Variants in QTMAN observed in about 807,000 individuals in gnomAD.
QTMAN encodes the protein tRNA-queuosine alpha-mannosyltransferase.
the QTMAN span, among the ~76,000 whole-genome samples, chr2:144,265,138 C>G: frequency 6.6e-6 from 1 of 152,116 alleles, no homozygotes; most frequent in Non-Finnish European, 1.5e-5. Flanking sequence ...GTATCAGTTT[C>G]CAAGATCTTG....
At chr2:144,081,359 T>C in the QTMAN span, among the ~76,000 whole-genome samples, 2 of 152,190 alleles carry the variant, frequency 1.3e-5, no homozygotes, top group Admixed American at 1.3e-4. Flanking sequence ...TAACTTTTTC[T>C]CCTTCTTCCA....
the QTMAN span, among the ~76,000 whole-genome samples, chr2:144,031,121 C>G: frequency 2.0e-5 from 3 of 152,054 alleles, no homozygotes; most frequent in African/African-American, 4.8e-5. Flanking sequence ...TTTGAAGATA[C>G]TATTGATGTC....
chr2:143,987,179 C>T, the QTMAN span, among the ~76,000 whole-genome samples: 1 of 152,158 alleles, frequency 6.6e-6, no homozygotes, highest in African/African-American at 2.4e-5. Flanking sequence ...CTTTCTATGA[C>T]CTCAAGTAGG....
chr2:144,161,184 A>G, the QTMAN span, among the ~76,000 whole-genome samples: 1 of 152,174 alleles, frequency 6.6e-6, no homozygotes, highest in Non-Finnish European at 1.5e-5. Flanking sequence ...GGGATCCTTC[A>G]TTACTTCTTT....
At chr2:144,053,546 G>C in the QTMAN span, among the ~76,000 whole-genome samples, 1 of 152,180 alleles carries the variant, frequency 6.6e-6, no homozygotes, top group African/African-American at 2.4e-5. Context: ...CCTTCTACCT[G>C]AATGAAGCAT....
the QTMAN span, among the ~76,000 whole-genome samples, chr2:144,278,508 C>T: frequency 6.6e-6 from 1 of 151,746 alleles, no homozygotes; most frequent in African/African-American, 2.4e-5. Context: ...CACTTAATCT[C>T]CACAATAATC....
chr2:143,958,782 CTTTTTTTTTT>C, the QTMAN span, among the ~76,000 whole-genome samples: 78 of 113,348 alleles, frequency 6.9e-4, no homozygotes, highest in African/African-American at 2.3e-3. Flanking sequence ...TTCTTTCTTT[CTTTTTTTTTT>C]TTTTTTTTTT....
chr2:143,984,757 T>C, the QTMAN span, among the ~76,000 whole-genome samples: 1 of 152,136 alleles, frequency 6.6e-6, no homozygotes, highest in Non-Finnish European at 1.5e-5. Context: ...CAGCTGGACG[T>C]TGGAGACTAT....
chr2:143,975,039 C>T, the QTMAN span, among the ~76,000 whole-genome samples: 1 of 143,880 alleles, frequency 7.0e-6, no homozygotes, highest in African/African-American at 2.4e-5. Flanking sequence ...TCTGCACCAC[C>T]ACTATGGCAG....
At chr2:144,143,947 T>C in the QTMAN span, among the ~76,000 whole-genome samples, 2 of 151,952 alleles carry the variant, frequency 1.3e-5, no homozygotes, top group African/African-American at 4.8e-5. Context: ...GGAGTCATAC[T>C]TTTCAAAGAG....
At chr2:144,135,692 C>G in the QTMAN span, among the ~76,000 whole-genome samples, 1 of 152,076 alleles carries the variant, frequency 6.6e-6, no homozygotes, top group African/African-American at 2.4e-5. Context: ...ATCATTTGTT[C>G]TTTACTGGTC....
At chr2:144,213,960 G>A in the QTMAN span, among the ~76,000 whole-genome samples, 2 of 152,208 alleles carry the variant, frequency 1.3e-5, no homozygotes, top group South Asian at 4.1e-4. Context: ...ACCCAGCAGA[G>A]TAAAATAGGG....
the QTMAN span, among the ~76,000 whole-genome samples, chr2:144,086,047 T>C: frequency 2.6e-5 from 4 of 152,134 alleles, no homozygotes; most frequent in Admixed American, 1.3e-4. Flanking sequence ...TCACATACAT[T>C]TACAAAGGCC....
the QTMAN span, among the ~76,000 whole-genome samples, chr2:144,281,418 A>C: frequency 1.5e-5 from 2 of 136,732 alleles, no homozygotes; most frequent in South Asian, 2.3e-4. Flanking sequence ...AAAAAAAAAA[A>C]CGGAAAATAA....
chr2:144,221,294 A>G, the QTMAN span, among the ~76,000 whole-genome samples: 1 of 152,234 alleles, frequency 6.6e-6, no homozygotes, highest in East Asian at 1.9e-4. Flanking sequence ...CCTGGAAGTT[A>G]CCAAAAATCT....
the QTMAN span, among the ~76,000 whole-genome samples, chr2:143,965,100 C>T: frequency 6.6e-6 from 1 of 151,282 alleles, no homozygotes; most frequent in Non-Finnish European, 1.5e-5. Flanking sequence ...AACAATGTGA[C>T]CTTATCATGA....
chr2:144,105,448 G>A, the QTMAN span, among the ~76,000 whole-genome samples: 6 of 152,176 alleles, frequency 3.9e-5, no homozygotes, highest in Non-Finnish European at 7.3e-5. Flanking sequence ...CGAGAACTAC[G>A]TGATGAATGC....
chr2:143,997,185 G>C, the QTMAN span, among the ~76,000 whole-genome samples: 1 of 151,976 alleles, frequency 6.6e-6, no homozygotes, highest in Non-Finnish European at 1.5e-5. Flanking sequence ...CTTTAAAGAA[G>C]TAAGAAAACA....
the QTMAN span, among the ~76,000 whole-genome samples, chr2:144,286,788 G>A: frequency 6.6e-6 from 1 of 152,118 alleles, no homozygotes; most frequent in African/African-American, 2.4e-5. Flanking sequence ...AAAAAAAATG[G>A]TATCACACTG....
Sources: gnomAD v4.1 joint callset for allele counts (sites outside exome capture counted in the v4.1 genomes callset) on GRCh38, gnomAD v4.1.1 for gene constraint, MANE v1.5 for transcripts, NCBI Gene and HGNC (gene_info 2026-07-23, HGNC 2026-07-21) for gene names.